ABCC2: variants seen among roughly 807,000 people sequenced by gnomAD.
ABCC2 encodes the protein ATP binding cassette subfamily C member 2.
A neutral mutation model predicts 173.4 loss-of-function variants in ABCC2; 157 were observed. The ratio of observed to expected loss-of-function variants is 0.91; its 90% CI spans 0.80 to 1.03. ABCC2 has a LOEUF of 1.03. Among genes scored for constraint, ABCC2 ranks in the 50% least tolerant of loss-of-function variants. The pLI is 0.00. For synonymous variants in ABCC2, 657 were observed against 693.5 expected, an observed-to-expected ratio of 0.95 and a Z score of 0.83; for missense variants, 1,822 against 1,852.3, an observed-to-expected ratio of 0.98 and a Z score of 0.30.
Position 99,804,198 on chromosome 10 carries a change from C to A in ABCC2, c.1389C>A (p.Val463=). The A allele has an allele frequency of 6.2e-7, 1 of 1,614,090 alleles. No individual in the cohort carries two copies. The highest frequency in any genetic ancestry group is 8.5e-7 in the Non-Finnish European group (1 of 1,179,990). ...TATGGAGAGAGTTGGGACCCTCAGT[C>A]TTAGCAGGTGTTGGGGTGATGGTGC... ...FFLWRELGPS[V]LAGVGVMVLV... is the part of the protein sequence containing the mutation. Residue 463 remains valine, a synonymous_variant, in exon 10 of 32, where the codon GTC becomes GTA. Coordinates refer to ENST00000647814, the MANE Select transcript of ABCC2 (RefSeq NM_000392.5).
rs188646871 is a variant in ABCC2, at chr10:99,835,463, G to A, written c.3415-628G>A. Reference sequence around the variant, plus strand: ...TCCTCACAGAATCTAGTAGCAGCACGGACCCATTCCACTCCCCCTTGCCCT... The same window carrying A: ...TCCTCACAGAATCTAGTAGCAGCACAGACCCATTCCACTCCCCCTTGCCCT... On this transcript the variant is annotated intron_variant, in intron 24 of 31. Coordinates refer to ENST00000647814, the MANE Select transcript of ABCC2 (RefSeq NM_000392.5). Among the ~76,000 whole-genome samples the A allele has an allele frequency of 6.6e-5, 10 of 151,890 alleles. No individual in the cohort carries two copies. The East Asian group carries it at 1.5e-3, about 24-fold the overall frequency.
rs200332328 is a variant in ABCC2 at position 99,806,351 on chromosome 10, G to A, written c.1530+904G>A. Among the ~76,000 whole-genome samples, 14 of 152,226 alleles carry A rather than the reference G, an allele frequency of 9.2e-5. No homozygotes were observed. In the East Asian group the frequency reaches 2.7e-3, roughly 29 times the overall value. On this transcript the variant is annotated intron_variant, in intron 11 of 31. Coordinates refer to ENST00000647814, the MANE Select transcript of ABCC2 (RefSeq NM_000392.5). ...CCTGCTAGTCTTTCACTAGAGCAGT[G>A]GTTTGTGATGCTGGCAGCACATTAG... is the stretch of plus-strand genomic sequence containing the variant.
At chr10:99,799,570 C>G (rs948342422) in intron 8 of ABCC2, among the ~76,000 whole-genome samples, 200 bp downstream of exon 8, 1 of 152,160 alleles carries the variant, frequency 6.6e-6, no homozygotes, top group Admixed American at 6.5e-5. Flanking sequence ...TGTACTTTAG[C>G]CTCTCTCTTT....
At chr10:99,808,416 T>C (rs1339193339) in intron 13 of ABCC2, among the ~76,000 whole-genome samples, 187 bp downstream of exon 13, 2 of 152,168 alleles carry the variant, frequency 1.3e-5, no homozygotes, top group Non-Finnish European at 2.9e-5. Flanking sequence ...CCAGTTTATC[T>C]AACTATAAAA....
At chr10:99,791,608 C>T (rs2037812618) in intron 2 of ABCC2, among the ~76,000 whole-genome samples, 1 of 152,188 alleles carries the variant, frequency 6.6e-6, no homozygotes, top group Non-Finnish European at 1.5e-5. Context: ...GGTTGAAGTT[C>T]ATATGAGCTG....
intron 11 of ABCC2, among the ~76,000 whole-genome samples, chr10:99,806,284 G>A (rs553868671): frequency 1.9e-3 from 282 of 152,260 alleles, no homozygotes; most frequent in African/African-American, 6.3e-3. Context: ...TAACTTGAGC[G>A]GGCCCAGGTG....
chr10:99,808,263 T>C (rs1344321096), intron 13 of ABCC2, 34 bp downstream of exon 13: 2 of 1,612,904 alleles, frequency 1.2e-6, no homozygotes, highest in Non-Finnish European at 1.7e-6. Flanking sequence ...ACTCCCTGTC[T>C]CTGGTTAAAA....
Position 99,836,087 on chromosome 10 carries a change from C to G in ABCC2, c.3415-4C>G. On this transcript the variant is annotated splice_region_variant and splice_polypyrimidine_tract_variant and intron_variant, in intron 24 of 31. Coordinates refer to ENST00000647814, the MANE Select transcript of ABCC2 (RefSeq NM_000392.5). ...CTGGCTGATTCTTTACTTTTTGTGT[C>G]CAGATGTTTTATGTGTCTACCTCCC... is the stretch of plus-strand genomic sequence containing the variant. 1 of 1,612,942 alleles carries G rather than the reference C, an allele frequency of 6.2e-7. No individual in the cohort carries two copies. The highest frequency in any genetic ancestry group is 8.5e-7 in the Non-Finnish European group (1 of 1,179,988).
chr10:99,836,051 T>C (rs1326502805), intron 24 of ABCC2, 40 bp from the exon 25 acceptor site: 4 of 1,604,290 alleles, frequency 2.5e-6, no homozygotes, highest in Admixed American at 1.7e-5. Context: ...GGATGCCTCA[T>C]GACTGCGGGA....
At chr10:99,799,521 C>A in intron 8 of ABCC2, 151 bp downstream of exon 8, 1 of 948,810 alleles carries the variant, frequency 1.1e-6, no homozygotes, top group Non-Finnish European at 1.7e-6. Flanking sequence ...GCATTGTGTT[C>A]ATGAAGACCG....
chr10:99,814,622 T>TACAC (rs561043063), intron 16 of ABCC2, among the ~76,000 whole-genome samples: 3 of 22,540 alleles, frequency 1.3e-4, no homozygotes, highest in African/African-American at 1.2e-3. Flanking sequence ...TATACACATA[T>TACAC]ACACACATAT....
intron 5 of ABCC2, 104 bp from the exon 6 acceptor site, chr10:99,794,309 T>A: frequency 9.1e-7 from 1 of 1,104,668 alleles, no homozygotes; most frequent in South Asian, 1.3e-5. Context: ...ATATCTAGTT[T>A]CTAGCACAAC....
At position 99,808,188 on chromosome 10, in the gene ABCC2, C is replaced by A; in HGVS notation, c.1774C>A (p.Pro592Thr). The A allele has an allele frequency of 6.2e-7, 1 of 1,614,134 alleles. No homozygotes were observed. Among genetic ancestry groups the A allele is most frequent in the Non-Finnish European group, 8.5e-7 (1 of 1,180,016 alleles). The stretch of plus-strand genomic sequence containing the variant: ...TACCCTCTTCAATATCCTGCGCTTT[C>A]CCCTGAGCATGCTTCCCATGATGAT... ...SITLFNILRFPLSMLPMMISS... is the reference protein window; with the variant it reads ...SITLFNILRFTLSMLPMMISS... The change falls in exon 13 of 32, where the codon CCC becomes ACC. Residue 592 changes from proline to threonine, a missense_variant. Physicochemically the swap from Pro to Thr is conservative, Grantham distance 38. Coordinates refer to ENST00000647814, the MANE Select transcript of ABCC2 (RefSeq NM_000392.5).
chr10:99,841,988 G>A lies in ABCC2; in HGVS notation c.3636G>A (p.Glu1212=). ...TSNRWLAIRL[E]LVGNLTVFFS... is the part of the protein sequence containing the mutation. ...ACAGGTGGCTTGCAATTCGCCTGGA[G>A]CTGGTTGGGAACCTGACTGTCTTCT... is the stretch of plus-strand genomic sequence containing the variant. The change falls in exon 26 of 32, where the codon GAG becomes GAA. Residue 1212 remains glutamate, a synonymous_variant. Coordinates refer to ENST00000647814, the MANE Select transcript of ABCC2 (RefSeq NM_000392.5). 1 of 1,614,186 alleles carries A rather than the reference G, an allele frequency of 6.2e-7. No individual in the cohort carries two copies.
rs1291678159 is a variant in ABCC2, at chr10:99,830,800, A to G, written c.2832A>G (p.Glu944=). The G allele has an allele frequency of 1.2e-6, 2 of 1,614,174 alleles. No homozygotes were observed. Among genetic ancestry groups the G allele is most frequent in the East Asian group, 4.5e-5 (2 of 44,888 alleles). The change falls in exon 21 of 32, where the codon GAA becomes GAG. Residue 944 remains glutamate, a synonymous_variant. Coordinates refer to ENST00000647814, the MANE Select transcript of ABCC2 (RefSeq NM_000392.5). ...RNVNSLKEDE[E]LVKGQKLIKK... ...TGAATAGCCTGAAGGAAGACGAAGA[A>G]CTAGTGAAAGGACAAAAACTAATTA...
At chr10:99,839,050 T>C (rs1433275646) in intron 25 of ABCC2, among the ~76,000 whole-genome samples, 5 of 114,374 alleles carry the variant, frequency 4.4e-5, no homozygotes, top group East Asian at 2.8e-4. Context: ...GAGGCGCCCC[T>C]CACCTCCCGG....
intron 16 of ABCC2, among the ~76,000 whole-genome samples, chr10:99,815,974 T>TC (rs2038401072): frequency 6.6e-6 from 1 of 151,132 alleles, no homozygotes; most frequent in African/African-American, 2.4e-5. Context: ...GTCTTGTTTT[T>TC]TTTTTTTTTT....
chr10:99,815,214 G>A (rs1219215191), intron 16 of ABCC2, among the ~76,000 whole-genome samples: 1 of 152,066 alleles, frequency 6.6e-6, no homozygotes, highest in Admixed American at 6.5e-5. Context: ...TTCTGTTCCT[G>A]TGTTAGTTTG....
intron 25 of ABCC2, among the ~76,000 whole-genome samples, chr10:99,840,579 C>T (rs1466761242): frequency 2.1e-4 from 31 of 148,362 alleles, no homozygotes; most frequent in African/African-American, 7.4e-4. Flanking sequence ...AATCTCGGCT[C>T]ACTGCAACCT....
Sources: allele counts gnomAD v4.1 joint callset (sites outside exome capture counted in the v4.1 genomes callset), GRCh38; gene constraint gnomAD v4.1.1; transcripts MANE v1.5; gene names NCBI Gene and HGNC (gene_info 2026-07-23, HGNC 2026-07-21).